PRKCQ: variants seen among roughly 807,000 people sequenced by gnomAD.
PRKCQ encodes protein kinase C theta, also known as protein kinase C theta type.
Under a neutral mutation model 91.2 loss-of-function variants are expected in PRKCQ, and 41 were observed. The ratio of observed to expected loss-of-function variants is 0.45; its 90% CI spans 0.35 to 0.58. The LOEUF is 0.58. Ranked by LOEUF, PRKCQ falls within the 20% of genes least tolerant of loss-of-function variation. The pLI, the probability that PRKCQ is intolerant of heterozygous loss-of-function variation, is 0.00. For synonymous variants in PRKCQ, 307 were observed against 316.9 expected (o/e 0.97, Z 0.33); for missense variants, 673 against 896.5 (o/e 0.75, Z 3.18).
At position 6,430,516 on chromosome 10, in the gene PRKCQ, A is replaced by ATAGTCACC. The variant is rs1833357068; in HGVS notation, c.1965+286_1965+293dup. Among the ~76,000 whole-genome samples, 1 of 152,206 alleles carries ATAGTCACC rather than the reference A, an allele frequency of 6.6e-6. No individual in the cohort carries two copies. Among genetic ancestry groups the ATAGTCACC allele is most frequent in the Non-Finnish European group, 1.5e-5 (1 of 68,044 alleles). ...ATGTGCACAACCCCCATCTTGTTTA[A>ATAGTCACC]TAGTCACCCTCACAAATTCATATTC... is the stretch of plus-strand genomic sequence containing the variant. On this transcript the variant is annotated intron_variant, in intron 17 of 17. Transcript: ENST00000263125. This position sits in a 1 kb window ranked among gnomAD's most constrained non-coding sequence, Gnocchi z 4.7.
chr10:6,455,211 C>T (rs1258102732), intron 15 of PRKCQ, among the ~76,000 whole-genome samples: 8 of 152,184 alleles, frequency 5.3e-5, no homozygotes, highest in Non-Finnish European at 1.0e-4. Flanking sequence ...CTTAAGTCCC[C>T]ATCACTCGTG....
intron 9 of PRKCQ, 52 bp from the exon 10 acceptor site, chr10:6,485,321 C>T (rs1369536019): frequency 1.4e-6 from 2 of 1,388,946 alleles, no homozygotes; most frequent in Non-Finnish European, 1.0e-6. Flanking sequence ...ATTGATGGAA[C>T]AGCTCAGCCT....
At chr10:6,498,657 G>A (rs1230121311) in intron 4 of PRKCQ, 99 bp from the exon 5 acceptor site, 3 of 1,206,164 alleles carry the variant, frequency 2.5e-6, no homozygotes, top group Admixed American at 4.2e-5. Context: ...AGGGATGGAG[G>A]AGGACCAGCT....
At chr10:6,481,041 C>T (rs1836570690) in intron 11 of PRKCQ, among the ~76,000 whole-genome samples, 1 of 152,174 alleles carries the variant, frequency 6.6e-6, no homozygotes, top group East Asian at 1.9e-4. Context: ...GGAGTATTCT[C>T]AGTGTTGTGA....
chr10:6,577,885 C>A (rs1281258920), intron 1 of PRKCQ, among the ~76,000 whole-genome samples: 5 of 152,178 alleles, frequency 3.3e-5, no homozygotes, highest in Non-Finnish European at 7.3e-5. Flanking sequence ...ACTTCTGAAT[C>A]CCCGAAGTTA....
downstream of PRKCQ, among the ~76,000 whole-genome samples, chr10:6,423,932 A>T (rs117394736): frequency 4.1e-4 from 62 of 152,198 alleles, no homozygotes; most frequent in East Asian, 0.012. Context: ...GTGCTCACCC[A>T]CATCCTATTC....
intron 13 of PRKCQ, among the ~76,000 whole-genome samples, chr10:6,463,957 A>G (rs1835494619): frequency 6.6e-6 from 1 of 152,174 alleles, no homozygotes; most frequent in African/African-American, 2.4e-5. Context: ...TTTCCATAAG[A>G]TGCCTCAGCT....
chr10:6,481,963 TA>T (rs905731135), intron 11 of PRKCQ, among the ~76,000 whole-genome samples: 20 of 151,942 alleles, frequency 1.3e-4, no homozygotes, highest in African/African-American at 4.8e-4. Context: ...TATAATTTCT[TA>T]AATTATCTCT....
intron 1 of PRKCQ, among the ~76,000 whole-genome samples, chr10:6,578,111 G>A (rs1266151635): frequency 1.3e-5 from 2 of 152,246 alleles, no homozygotes; most frequent in African/African-American, 4.8e-5. Flanking sequence ...AAGAGACAGA[G>A]AGTATTATTG....
rs181991360 is a variant in PRKCQ, at chr10:6,464,650, G to A, written c.1354-246C>T. 3.9e-4 allele frequency among the ~76,000 whole-genome samples: 59 copies of A among 152,278 alleles called. 1 individual carries two copies. Among genetic ancestry groups the A allele is most frequent in the Admixed American group, 1.6e-3 (25 of 15,296 alleles). ...TTTAGCAGAGATGGGGTTTCGCCAT[G>A]TTAGCCAGGCTGGTCTCCAACTCTT... is the stretch of plus-strand genomic sequence containing the variant. On this transcript the variant is annotated intron_variant, in intron 12 of 17. Transcript: ENST00000263125.
rs571630362 is a variant in PRKCQ at position 6,442,856 on chromosome 10, G to A, written c.1648-775C>T. Among the ~76,000 whole-genome samples, 6 of 152,184 alleles carry A rather than the reference G, an allele frequency of 3.9e-5. No homozygotes were observed. In the South Asian group the frequency reaches 8.3e-4, roughly 21 times the overall value. On this transcript the variant is annotated intron_variant, in intron 15 of 17. Transcript: ENST00000263125. Reference sequence around the variant, plus strand: ...GGGTGCTTGTAATCCTAGCTACTCCGGAAGCTGAGGCAGGAGAATCGCTTG... The same window carrying A: ...GGGTGCTTGTAATCCTAGCTACTCCAGAAGCTGAGGCAGGAGAATCGCTTG...
chr10:6,415,124 A>T, the PRKCQ span, among the ~76,000 whole-genome samples: 1 of 151,752 alleles, frequency 6.6e-6, no homozygotes, highest in African/African-American at 2.4e-5. Flanking sequence ...CACCATGCCC[A>T]GCTAATTTTT....
chr10:6,404,484 TTC>T, the PRKCQ span, among the ~76,000 whole-genome samples: 15 of 149,794 alleles, frequency 1.0e-4, no homozygotes, highest in South Asian at 4.5e-4. Flanking sequence ...TTTTCTTTCT[TTC>T]TCTCTTTCCT....
At chr10:6,556,542 A>T (rs1840424148) in intron 1 of PRKCQ, among the ~76,000 whole-genome samples, 1 of 151,810 alleles carries the variant, frequency 6.6e-6, no homozygotes, top group South Asian at 2.1e-4. Context: ...AAGGAGAGGG[A>T]AATGGAGAGT....
intron 1 of PRKCQ, among the ~76,000 whole-genome samples, chr10:6,574,910 TCTGCGACACCC>T (rs1206515534): frequency 1.3e-5 from 2 of 152,172 alleles, no homozygotes; most frequent in African/African-American, 4.8e-5. Context: ...CACTGACAGC[TCTGCGACACCC>T]CAAATCTAGC....
chr10:6,486,818 C>A (rs916817808), intron 8 of PRKCQ, among the ~76,000 whole-genome samples: 1 of 152,220 alleles, frequency 6.6e-6, no homozygotes, highest in Non-Finnish European at 1.5e-5. Context: ...GAGCTTCCCC[C>A]AGCCTTTAGG....
intron 1 of PRKCQ, among the ~76,000 whole-genome samples, chr10:6,540,973 G>A (rs1481529602): frequency 1.3e-5 from 2 of 152,180 alleles, no homozygotes; most frequent in Non-Finnish European, 2.9e-5. Context: ...TACTAAGGAA[G>A]GGTGTTGAGC....
At chr10:6,408,646 C>T in the PRKCQ span, among the ~76,000 whole-genome samples, 23 of 152,350 alleles carry the variant, frequency 1.5e-4, no homozygotes, top group African/African-American at 4.3e-4. Flanking sequence ...TGAGCCACTG[C>T]GCCTAGCCTT....
chr10:6,439,219 A>G (rs1833848909), intron 16 of PRKCQ, among the ~76,000 whole-genome samples: 1 of 151,882 alleles, frequency 6.6e-6, no homozygotes, highest in Non-Finnish European at 1.5e-5. Context: ...CACCTGTAAT[A>G]CTGTGCCTGT....
Sources: gnomAD v4.1 joint callset for allele counts (sites outside exome capture counted in the v4.1 genomes callset) on GRCh38, gnomAD v4.1.1 for gene constraint, Gnocchi (gnomAD v3.1) non-coding constraint, MANE v1.5 for transcripts, NCBI Gene and HGNC (gene_info 2026-07-23, HGNC 2026-07-21) for gene names.